SPRY3: variants seen among roughly 807,000 people sequenced by gnomAD.
SPRY3 encodes sprouty RTK signaling antagonist 3, also known as protein sprouty homolog 3.
Under a neutral mutation model 20.2 loss-of-function variants are expected in SPRY3, and 15 were observed. The observed-to-expected ratio is 0.74, with a 90% CI of 0.50 to 1.14. SPRY3 has a LOEUF of 1.14. Among genes scored for constraint, SPRY3 ranks in the 50% most tolerant of loss-of-function variants. The pLI, the probability that SPRY3 is intolerant of heterozygous loss-of-function variation, is 0.00. For synonymous variants in SPRY3, 143 were observed against 136.5 expected, an observed-to-expected ratio of 1.05 and a Z score of -0.33; for missense variants, 364 against 363.9, an observed-to-expected ratio of 1.00 and a Z score of 0.00.
chrX:155,697,644 G>C (rs951283524), intron 2 of SPRY3, among the ~76,000 whole-genome samples: 8 of 109,164 alleles, frequency 7.3e-5, no homozygotes, highest in Non-Finnish European at 1.1e-4. Context: ...GTGTGTGTGT[G>C]TGTGTGTGTG....
chrX:155,760,465 T>A (rs2091299729), intron 2 of SPRY3, among the ~76,000 whole-genome samples: 1 of 152,134 alleles, frequency 6.6e-6, no homozygotes, highest in South Asian at 2.1e-4. Context: ...CTTAACCAGG[T>A]TTCAGGTGCT....
chrX:155,774,036 G>A, exon 4 of SPRY3: 1 of 1,613,956 alleles, frequency 6.2e-7, no homozygotes, highest in Non-Finnish European at 8.5e-7. Context: ...ATTGGTCTCT[G>A]GCTACCATGC....
chrX:155,734,929 C>T (rs754057177), intron 2 of SPRY3, among the ~76,000 whole-genome samples: 1 of 151,656 alleles, frequency 6.6e-6, no homozygotes, highest in East Asian at 1.9e-4. Context: ...TTCTAGTTTC[C>T]TCAGGTAAAA....
intron 2 of SPRY3, among the ~76,000 whole-genome samples, chrX:155,742,039 ACACAGAATGG>A (rs2091206380): frequency 6.6e-6 from 1 of 152,148 alleles, no homozygotes; most frequent in South Asian, 2.1e-4. Flanking sequence ...CAATTAAAAG[ACACAGAATGG>A]CAAGCTGGAT....
rs200330741 is a variant in SPRY3, at chrX:155,755,454, TG to T, written c.-281-12505del. On this transcript the variant is annotated intron_variant, in intron 2 of 3. Transcript: ENST00000675360. ...GTATGGGCTCTGGAGTTAAACTGCT[TG>T]GGTTCAAATCTCATTTATGCTATAT... Among the ~76,000 whole-genome samples, 1,467 of 152,090 alleles carry T rather than the reference TG, an allele frequency of 9.6e-3. 22 individuals carry two copies. The highest frequency in any genetic ancestry group is 0.033 in the African/African-American group (1,385 of 41,496).
At position 155,635,797 on chromosome X, in the gene SPRY3, A is replaced by C. The variant is rs142627686; in HGVS notation, c.-440-21070A>C. ...AAACTAGTTCAACCATTGTGGAAATAGGTGTGGCGATTCCTCAGGGATCTA... is the reference window on the plus strand; with the variant it reads ...AAACTAGTTCAACCATTGTGGAAATCGGTGTGGCGATTCCTCAGGGATCTA... On this transcript the variant is annotated intron_variant, in intron 1 of 3. Coordinates refer to ENST00000675360, the Ensembl canonical transcript of SPRY3. Among the ~76,000 whole-genome samples the C allele has an allele frequency of 7.0e-3, 780 of 111,914 alleles. 6 individuals carry two copies. The highest frequency in any genetic ancestry group is 0.024 in the African/African-American group (739 of 30,762).
intron 1 of SPRY3, among the ~76,000 whole-genome samples, chrX:155,615,094 T>C (rs1252536029): frequency 1.8e-5 from 2 of 111,670 alleles, no homozygotes; most frequent in African/African-American, 6.5e-5. Flanking sequence ...TTGAGTCACA[T>C]ACAGTCTTTG....
At chrX:155,663,127 G>T (rs1461442100) in intron 2 of SPRY3, among the ~76,000 whole-genome samples, 1 of 112,132 alleles carries the variant, frequency 8.9e-6, no homozygotes. Flanking sequence ...AAATGAGATG[G>T]ATAAGCAACA....
intron 2 of SPRY3, among the ~76,000 whole-genome samples, chrX:155,726,336 T>C (rs758777986): frequency 6.6e-6 from 1 of 152,286 alleles, no homozygotes; most frequent in Admixed American, 6.5e-5. Flanking sequence ...CTATTACATC[T>C]ACTTGGTGCA....
At chrX:155,748,389 G>C (rs2091239645) in intron 2 of SPRY3, among the ~76,000 whole-genome samples, 1 of 151,800 alleles carries the variant, frequency 6.6e-6, no homozygotes, top group Non-Finnish European at 1.5e-5. Flanking sequence ...TCACAGTTAT[G>C]TAATTACCAA....
At chrX:155,737,872 CA>C (rs1416953526) in intron 2 of SPRY3, among the ~76,000 whole-genome samples, 1 of 152,098 alleles carries the variant, frequency 6.6e-6, no homozygotes, top group African/African-American at 2.4e-5. Flanking sequence ...TCTCTACCTT[CA>C]AAATGGGGTA....
At chrX:155,779,615 C>T (rs895336062), downstream of SPRY3, 1 of 166,944 alleles carries the variant, frequency 6.0e-6, no homozygotes, top group Non-Finnish European at 1.5e-5. Flanking sequence ...TATGTGAAGG[C>T]ACATATGTTC....
At chrX:155,780,361 G>T (rs1190896033), downstream of SPRY3, 2 of 166,964 alleles carry the variant, frequency 1.2e-5, no homozygotes, top group Non-Finnish European at 2.9e-5. Flanking sequence ...ACAAGATGGG[G>T]TTGACCATAT....
At chrX:155,645,899 T>C (rs1480422254) in intron 1 of SPRY3, among the ~76,000 whole-genome samples, 6 of 111,941 alleles carry the variant, frequency 5.4e-5, no homozygotes, top group African/African-American at 1.6e-4. Context: ...TGTTTAGCCA[T>C]CTTGTCCCTC....
intron 2 of SPRY3, among the ~76,000 whole-genome samples, chrX:155,752,249 C>T (rs1021946623): frequency 5.3e-5 from 8 of 151,096 alleles, no homozygotes; most frequent in African/African-American, 1.9e-4. Flanking sequence ...GCTAACTCAC[C>T]CCTTCACCAA....
At chrX:155,718,978 GA>G (rs1414345097) in intron 2 of SPRY3, among the ~76,000 whole-genome samples, 1 of 152,112 alleles carries the variant, frequency 6.6e-6, no homozygotes, top group African/African-American at 2.4e-5. Flanking sequence ...TATCTACACA[GA>G]AAAAGCACCT....
intron 2 of SPRY3, among the ~76,000 whole-genome samples, chrX:155,706,542 A>G (rs751403195): frequency 1.8e-4 from 27 of 151,120 alleles, no homozygotes; most frequent in Middle Eastern, 3.4e-3. Context: ...ATAGATATCA[A>G]TGGAACAAAA....
chrX:155,715,157 C>G (rs1348794370), intron 2 of SPRY3, among the ~76,000 whole-genome samples: 1 of 152,062 alleles, frequency 6.6e-6, no homozygotes, highest in Non-Finnish European at 1.5e-5. Flanking sequence ...GAGTCTTTCA[C>G]TATAGCCACC....
intron 1 of SPRY3, among the ~76,000 whole-genome samples, chrX:155,630,213 T>A (rs1291389479): frequency 8.9e-6 from 1 of 112,322 alleles, no homozygotes; most frequent in Non-Finnish European, 1.9e-5. Context: ...GTTATTATAT[T>A]TGATAATTTA....
Sources: gnomAD v4.1 joint callset for allele counts (sites outside exome capture counted in the v4.1 genomes callset) on GRCh38, gnomAD v4.1.1 for gene constraint, MANE v1.5 for transcripts, NCBI Gene and HGNC (gene_info 2026-07-23, HGNC 2026-07-21) for gene names.